Variants in FBXW11 observed in about 807,000 individuals in gnomAD.
FBXW11 encodes the protein F-box/WD repeat-containing protein 11.
Under a neutral mutation model 77.6 loss-of-function variants are expected in FBXW11, and 19 were observed. The ratio of observed to expected loss-of-function variants is 0.24; its 90% CI spans 0.17 to 0.36. The LOEUF is 0.36. Among genes scored for constraint, FBXW11 ranks in the 10% least tolerant of loss-of-function variants. The pLI is 1.00. For missense variants in FBXW11, 334 were observed against 704.2 expected (o/e 0.47, Z 5.95); for synonymous variants, 235 against 249.4 (o/e 0.94, Z 0.54).
At chr5:171,932,117 C>T (rs980691628) in intron 2 of FBXW11, among the ~76,000 whole-genome samples, 1 of 151,970 alleles carries the variant, frequency 6.6e-6, no homozygotes, top group African/African-American at 2.4e-5. Flanking sequence ...TCAACTAATC[C>T]ATCTGCCTCA....
Position 171,930,837 on chromosome 5 carries a change from G to T in FBXW11, c.148-16432C>A, listed in dbSNP as rs546974878. Among the ~76,000 whole-genome samples, 42 of 149,676 alleles carry T rather than the reference G, an allele frequency of 2.8e-4. 1 individual carries two copies. The East Asian group carries it at 5.1e-3, about 18-fold the overall frequency. On this transcript the variant is annotated intron_variant, in intron 2 of 13. Coordinates refer to ENST00000517395, the MANE Select transcript of FBXW11 (RefSeq NM_001378974.1). ...ACTCATAAGTGATTATGGCAGATCT[G>T]CAGTATACACAGTTTATATACAAAA...
intron 7 of FBXW11, among the ~76,000 whole-genome samples, chr5:171,886,820 C>T (rs895204351): frequency 6.6e-6 from 1 of 151,974 alleles, no homozygotes; most frequent in Non-Finnish European, 1.5e-5. Flanking sequence ...TTGAGACCAG[C>T]CTGGCCAGCA....
intron 1 of FBXW11, among the ~76,000 whole-genome samples, chr5:171,969,440 T>G (rs888089494): frequency 1.3e-5 from 2 of 152,364 alleles, no homozygotes; most frequent in South Asian, 2.1e-4. Context: ...ATCATATTTC[T>G]ATTTTATCTT....
At chr5:171,893,445 A>AC (rs1554096976) in intron 6 of FBXW11, among the ~76,000 whole-genome samples, 2 of 149,124 alleles carry the variant, frequency 1.3e-5, no homozygotes, top group African/African-American at 4.9e-5. Context: ...AAAAAAAAAA[A>AC]AACTAACCCA....
At chr5:171,947,311 C>A (rs987453289) in intron 2 of FBXW11, among the ~76,000 whole-genome samples, 2 of 152,094 alleles carry the variant, frequency 1.3e-5, no homozygotes, top group East Asian at 3.8e-4. Context: ...CTATATTTCC[C>A]AGTTTTCTAC....
At chr5:171,906,471 A>G (rs1314387259) in intron 4 of FBXW11, among the ~76,000 whole-genome samples, 1 of 152,220 alleles carries the variant, frequency 6.6e-6, no homozygotes, top group Non-Finnish European at 1.5e-5. Flanking sequence ...CACCTATATG[A>G]TGTCAGAATG....
chr5:171,876,161 G>C lies in FBXW11; in HGVS notation c.1221+124C>G. The C allele has an allele frequency of 2.5e-6, 3 of 1,188,642 alleles. No homozygotes were observed. Among genetic ancestry groups the C allele is most frequent in the South Asian group, 2.8e-5 (2 of 70,868 alleles). 73.6% of individuals were successfully genotyped at this position (1,188,642 alleles called of 1,614,324 possible). A position where few individuals can be genotyped will look rare whatever the true frequency, so the allele number is the denominator to read the frequency against. ...ATATACAGAGTGGGATGGCCTCAAG[G>C]GTTCATAAGCACAGAGGAGAATAAA... On this transcript the variant is annotated intron_variant, in intron 9 of 13. Coordinates refer to ENST00000517395, the MANE Select transcript of FBXW11 (RefSeq NM_001378974.1). This position sits in a 1 kb window ranked among gnomAD's most constrained non-coding sequence, Gnocchi z 4.2.
chr5:171,914,545 C>A, intron 2 of FBXW11, 140 bp from the exon 3 acceptor site: 6 of 596,634 alleles, frequency 1.0e-5, no homozygotes, highest in Middle Eastern at 4.2e-4. Flanking sequence ...CTAACACATG[C>A]CATTTTGGGT....
chr5:171,953,877 T>C (rs1211565288), intron 2 of FBXW11, among the ~76,000 whole-genome samples: 1 of 152,172 alleles, frequency 6.6e-6, no homozygotes, highest in Non-Finnish European at 1.5e-5. Context: ...ATAAGTTCTG[T>C]GGCATTCTCA....
intron 6 of FBXW11, 61 bp from the exon 7 acceptor site, chr5:171,891,665 A>C: frequency 3.9e-6 from 6 of 1,542,324 alleles, no homozygotes; most frequent in Non-Finnish European, 4.4e-6. Context: ...ATTAGGTTTC[A>C]GACTTTGGCG....
intron 1 of FBXW11, among the ~76,000 whole-genome samples, chr5:171,979,769 C>A (rs1334861094): frequency 6.6e-6 from 1 of 152,144 alleles, no homozygotes; most frequent in African/African-American, 2.4e-5. Context: ...CTCAGCAAGG[C>A]CATTTTTCTA....
chr5:172,006,407 G>T, intron 1 of FBXW11, 51 bp downstream of exon 1: 1 of 1,493,112 alleles, frequency 6.7e-7, no homozygotes, highest in Non-Finnish European at 9.0e-7. Flanking sequence ...GGGCAGGCCC[G>T]CCCGGGGCCG....
intron 1 of FBXW11, among the ~76,000 whole-genome samples, chr5:171,958,249 T>C (rs1295466916): frequency 6.6e-6 from 1 of 152,184 alleles, no homozygotes; most frequent in Non-Finnish European, 1.5e-5. Flanking sequence ...AAACTTTGGT[T>C]TGTCTGCTAC....
At chr5:172,000,511 T>TA (rs955870209) in intron 1 of FBXW11, among the ~76,000 whole-genome samples, 1 of 152,308 alleles carries the variant, frequency 6.6e-6, no homozygotes, top group Non-Finnish European at 1.5e-5. Context: ...GATGGCTCAT[T>TA]AAATGTATGG....
intron 2 of FBXW11, among the ~76,000 whole-genome samples, chr5:171,935,594 A>AT (rs940044331): frequency 6.0e-5 from 9 of 150,126 alleles, no homozygotes; most frequent in South Asian, 4.2e-4. Context: ...CCCACCCCAA[A>AT]TTTTTTTTTT....
intron 7 of FBXW11, among the ~76,000 whole-genome samples, chr5:171,881,744 A>C (rs573771388): frequency 2.1e-3 from 325 of 152,280 alleles, no homozygotes; most frequent in Non-Finnish European, 3.9e-3. Flanking sequence ...TATTGACTCA[A>C]TTTCTTCAAC....
intron 1 of FBXW11, among the ~76,000 whole-genome samples, chr5:171,967,877 TATATATACAC>T (rs1408811370): frequency 3.2e-3 from 186 of 58,598 alleles, no homozygotes; most frequent in African/African-American, 8.6e-3. Flanking sequence ...TATATATATA[TATATATACAC>T]ACACACACAC....
At chr5:171,883,817 T>C (rs1305726348) in intron 7 of FBXW11, among the ~76,000 whole-genome samples, 3 of 152,260 alleles carry the variant, frequency 2.0e-5, no homozygotes, top group Non-Finnish European at 2.9e-5. Flanking sequence ...GAGAATTGTC[T>C]GTTCATGTTC....
Position 171,876,845 on chromosome 5 carries a change from C to T in FBXW11, c.972-311G>A, listed in dbSNP as rs535201801. On this transcript the variant is annotated intron_variant, in intron 8 of 13. Coordinates refer to ENST00000517395, the MANE Select transcript of FBXW11 (RefSeq NM_001378974.1). The surrounding 1 kb of genome is among the most constrained non-coding windows in gnomAD (Gnocchi z 4.2). ...CTCCCTCTCTCTTGCTTCTCTCTCA[C>T]ATGTGATCTGCACATGCTGGCTCCC... is the stretch of plus-strand genomic sequence containing the variant. Among the ~76,000 whole-genome samples, 58 of 152,290 alleles carry T rather than the reference C, an allele frequency of 3.8e-4. No homozygotes were observed. The highest frequency in any genetic ancestry group is 1.3e-3 in the African/African-American group (55 of 41,558).
Sources: allele counts gnomAD v4.1 joint callset (sites outside exome capture counted in the v4.1 genomes callset), GRCh38; gene constraint gnomAD v4.1.1; non-coding constraint Gnocchi (gnomAD v3.1); transcripts MANE v1.5; gene names NCBI Gene and HGNC (gene_info 2026-07-23, HGNC 2026-07-21).